CDK14: variants seen among roughly 807,000 people sequenced by gnomAD.
CDK14 encodes cyclin-dependent kinase 14.
In CDK14, 34 loss-of-function variants were observed where a neutral mutation model predicts 60.7. The observed-to-expected ratio is 0.56, with a 90% CI of 0.43 to 0.75. The LOEUF is 0.75. Ranked by LOEUF, CDK14 falls within the 30% of genes least tolerant of loss-of-function variation. The pLI is 0.00. For synonymous variants in CDK14, 197 were observed against 203.7 expected (o/e 0.97, Z 0.28); for missense variants, 482 against 564.1 (o/e 0.85, Z 1.47).
At position 91,032,066 on chromosome 7, in the gene CDK14, A is replaced by C. The variant is rs150369351; in HGVS notation, c.1042-13831A>C. ...ACAGCAGGGGGAAGGGCACCTCATA[A>C]AGGGTCATACATCCAGGTTGCATCC... On this transcript the variant is annotated intron_variant, in intron 10 of 14. Transcript: ENST00000380050. 1.2e-3 allele frequency among the ~76,000 whole-genome samples: 190 copies of C among 152,316 alleles called. 2 individuals are homozygous for C. The highest frequency in any genetic ancestry group is 8.2e-3 in the Admixed American group (125 of 15,310).
At chr7:90,749,418 T>G (rs1803728770) in intron 4 of CDK14, among the ~76,000 whole-genome samples, 1 of 151,936 alleles carries the variant, frequency 6.6e-6, no homozygotes, top group African/African-American at 2.4e-5. Context: ...GGGCCCTTTC[T>G]GCTTTACATC....
chr7:91,183,003 G>A (rs1193566230), intron 14 of CDK14, among the ~76,000 whole-genome samples: 1 of 152,160 alleles, frequency 6.6e-6, no homozygotes, highest in Non-Finnish European at 1.5e-5. Context: ...GTAAACACCA[G>A]CTCTGAGAGT....
chr7:91,038,228 A>G (rs977093344), intron 10 of CDK14, among the ~76,000 whole-genome samples: 1 of 152,250 alleles, frequency 6.6e-6, no homozygotes, highest in Non-Finnish European at 1.5e-5. Flanking sequence ...TAAAAAGGTT[A>G]GTTTAACATG....
chr7:90,711,809 T>C (rs753963778), intron 2 of CDK14, among the ~76,000 whole-genome samples: 47 of 152,162 alleles, frequency 3.1e-4, no homozygotes, highest in Non-Finnish European at 6.8e-4. Context: ...GTTAAACATT[T>C]TTGGAGTCTG....
At chr7:90,730,413 T>A (rs1053330609) in intron 3 of CDK14, among the ~76,000 whole-genome samples, 1 of 152,210 alleles carries the variant, frequency 6.6e-6, no homozygotes, top group Non-Finnish European at 1.5e-5. Context: ...TAGTTCTAGA[T>A]CCTTGAGGAA....
chr7:90,615,190 C>T lies in CDK14; in HGVS notation c.123+10941C>T, dbSNP rs568466619. 3.3e-5 allele frequency among the ~76,000 whole-genome samples: 5 copies of T among 152,258 alleles called. No individual in the cohort carries two copies. In the South Asian group the frequency reaches 1.0e-3, roughly 32 times the overall value. ...TATAATACGATAGAAAAAAAGTTTT[C>T]AATATGCACTTTTATACCTAGATGA... is the stretch of plus-strand genomic sequence containing the variant. On this transcript the variant is annotated intron_variant, in intron 2 of 14. Coordinates refer to ENST00000380050, the MANE Select transcript of CDK14 (RefSeq NM_001287135.2).
At chr7:91,195,551 C>A (rs1802509326) in intron 14 of CDK14, among the ~76,000 whole-genome samples, 1 of 152,128 alleles carries the variant, frequency 6.6e-6, no homozygotes, top group African/African-American at 2.4e-5. Flanking sequence ...GTTTCTATGT[C>A]ATCATTTGTC....
chr7:90,735,447 A>T (rs1025042154), intron 3 of CDK14, among the ~76,000 whole-genome samples: 3 of 152,068 alleles, frequency 2.0e-5, no homozygotes, highest in African/African-American at 7.2e-5. Context: ...TCCCAGGGAG[A>T]TGGGGGTTTT....
At chr7:90,973,284 C>A (rs1190337958) in intron 9 of CDK14, among the ~76,000 whole-genome samples, 1 of 152,094 alleles carries the variant, frequency 6.6e-6, no homozygotes, top group Non-Finnish European at 1.5e-5. Context: ...GGTCTCCCCC[C>A]ACCATAATAG....
chr7:90,815,322 C>T (rs1789303979), intron 5 of CDK14, among the ~76,000 whole-genome samples: 1 of 152,110 alleles, frequency 6.6e-6, no homozygotes, highest in Non-Finnish European at 1.5e-5. Context: ...AAAAAAAGCT[C>T]ATCATCACTG....
intron 6 of CDK14, among the ~76,000 whole-genome samples, chr7:90,874,451 T>A (rs1176356686): frequency 6.6e-6 from 1 of 150,778 alleles, no homozygotes; most frequent in Admixed American, 6.6e-5. Flanking sequence ...AAGGTTCAGC[T>A]TTATGCTCAT....
chr7:90,732,780 C>A (rs78608426), intron 3 of CDK14, among the ~76,000 whole-genome samples: 1 of 151,992 alleles, frequency 6.6e-6, no homozygotes, highest in African/African-American at 2.4e-5. Flanking sequence ...GTTGATCTTT[C>A]AAAAAACCAG....
rs921333828 is a variant in CDK14 at position 90,818,348 on chromosome 7, A to G, written c.544+27696A>G. On this transcript the variant is annotated intron_variant, in intron 5 of 14. Coordinates refer to ENST00000380050, the MANE Select transcript of CDK14 (RefSeq NM_001287135.2). Reference sequence around the variant, plus strand: ...CACGATGGAAAAATTAGTGCAAAAAATATTTTTAAGTTGTTGCCTTATCAG... The same window carrying G: ...CACGATGGAAAAATTAGTGCAAAAAGTATTTTTAAGTTGTTGCCTTATCAG... 4.6e-5 allele frequency among the ~76,000 whole-genome samples: 7 copies of G among 152,220 alleles called. No homozygotes were observed. In the South Asian group the frequency reaches 8.3e-4, roughly 18 times the overall value.
chr7:91,170,764 T>C (rs972871967), intron 14 of CDK14, among the ~76,000 whole-genome samples: 24 of 149,692 alleles, frequency 1.6e-4, no homozygotes, highest in Non-Finnish European at 3.1e-4. Flanking sequence ...AATCTTTTTT[T>C]TTTTCTTTTT....
intron 14 of CDK14, among the ~76,000 whole-genome samples, chr7:91,129,222 GTGGTGCAAAAGCAA>G (rs1800046843): frequency 6.6e-6 from 1 of 152,176 alleles, no homozygotes; most frequent in Non-Finnish European, 1.5e-5. Flanking sequence ...ATTTGCACTA[GTGGTGCAAAAGCAA>G]TGGAGGGTAA....
rs561717871 is a variant in CDK14 at position 90,650,200 on chromosome 7, T to C, written c.123+45951T>C. 1.6e-4 allele frequency among the ~76,000 whole-genome samples: 24 copies of C among 152,368 alleles called. No homozygotes were observed. The East Asian group carries it at 4.6e-3, about 29-fold the overall frequency. ...ATTGTGGTTTTGATTTGCATTTCTC[T>C]GATGACCAGTGATGATGAGCATTCT... On this transcript the variant is annotated intron_variant, in intron 2 of 14. Transcript: ENST00000380050.
chr7:90,921,936 G>A (rs1584126425), intron 8 of CDK14, among the ~76,000 whole-genome samples: 2 of 152,134 alleles, frequency 1.3e-5, no homozygotes, highest in Admixed American at 1.3e-4. Context: ...GACCAGAAAC[G>A]TGACTCTGTA....
chr7:90,685,117 G>GT (rs1157653614), intron 2 of CDK14, among the ~76,000 whole-genome samples: 1 of 151,390 alleles, frequency 6.6e-6, no homozygotes, highest in East Asian at 1.9e-4. Flanking sequence ...ATATTTACAT[G>GT]CTTTAATTAC....
At chr7:90,640,181 T>A (rs1800286802) in intron 2 of CDK14, among the ~76,000 whole-genome samples, 1 of 151,978 alleles carries the variant, frequency 6.6e-6, no homozygotes, top group South Asian at 2.1e-4. Flanking sequence ...GTACCTCAGA[T>A]GGAAATGCAG....
Sources: gnomAD v4.1 joint callset for allele counts (sites outside exome capture counted in the v4.1 genomes callset) on GRCh38, gnomAD v4.1.1 for gene constraint, MANE v1.5 for transcripts, NCBI Gene and HGNC (gene_info 2026-07-23, HGNC 2026-07-21) for gene names.